The following ASIC2 variants were observed in gnomAD, a reference collection of about 807,000 sequenced individuals.
The protein encoded by ASIC2 is acid sensing ion channel subunit 2.
A neutral mutation model predicts 57.3 loss-of-function variants in ASIC2; 25 were observed. That is an observed-to-expected ratio of 0.44 (90% CI 0.32 to 0.61). The LOEUF is 0.61. ASIC2 is among the 20% of genes least tolerant of loss of function. The pLI is 0.06. For synonymous variants in ASIC2, 319 were observed against 307.5 expected, an observed-to-expected ratio of 1.04 and a Z score of -0.39; for missense variants, 641 against 738.1, an observed-to-expected ratio of 0.87 and a Z score of 1.52.
intron 1 of ASIC2, among the ~76,000 whole-genome samples, chr17:33,827,490 C>A (rs1242391887): frequency 4.7e-5 from 6 of 127,690 alleles, no homozygotes; most frequent in Non-Finnish European, 6.7e-5. Flanking sequence ...CGCCACCATG[C>A]CTGGCTATTT....
chr17:33,762,003 T>G (rs1247861243), intron 1 of ASIC2, among the ~76,000 whole-genome samples: 1 of 152,078 alleles, frequency 6.6e-6, no homozygotes, highest in Admixed American at 6.5e-5. Context: ...GATGAAGGCA[T>G]GGAAAAACTG....
chr17:33,551,716 G>A (rs1341690665), intron 1 of ASIC2, among the ~76,000 whole-genome samples: 1 of 152,170 alleles, frequency 6.6e-6, no homozygotes, highest in Non-Finnish European at 1.5e-5. Flanking sequence ...TTTTTAGACT[G>A]TTGTTCTGAG....
chr17:33,248,775 T>C (rs1355463818), intron 1 of ASIC2, among the ~76,000 whole-genome samples: 1 of 152,238 alleles, frequency 6.6e-6, no homozygotes. Flanking sequence ...CCCCCTCTGC[T>C]GCTGATAGAA....
intron 1 of ASIC2, among the ~76,000 whole-genome samples, chr17:33,375,137 A>G (rs568378984): frequency 6.6e-6 from 1 of 152,332 alleles, no homozygotes; most frequent in East Asian, 1.9e-4. Flanking sequence ...TAAGTGTTAC[A>G]TAGAAAATTA....
At chr17:33,784,122 G>C (rs1911537461) in intron 1 of ASIC2, among the ~76,000 whole-genome samples, 1 of 152,216 alleles carries the variant, frequency 6.6e-6, no homozygotes, top group Non-Finnish European at 1.5e-5. Flanking sequence ...GTGCTGTGAA[G>C]TTAGGGAGCC....
intron 1 of ASIC2, among the ~76,000 whole-genome samples, chr17:33,347,864 G>A (rs1230361417): frequency 6.6e-6 from 1 of 152,200 alleles, no homozygotes; most frequent in African/African-American, 2.4e-5. Flanking sequence ...CACTTTGGGA[G>A]GCCGAGATGG....
chr17:33,665,421 A>G (rs1275774217), intron 1 of ASIC2, among the ~76,000 whole-genome samples: 2 of 152,192 alleles, frequency 1.3e-5, no homozygotes, highest in Non-Finnish European at 2.9e-5. Context: ...AGGGTAGGGT[A>G]GGAATGGCGT....
intron 1 of ASIC2, among the ~76,000 whole-genome samples, chr17:33,440,840 G>A (rs1911797851): frequency 1.3e-5 from 2 of 152,110 alleles, no homozygotes; most frequent in Non-Finnish European, 1.5e-5. Context: ...AGTTATAAGA[G>A]TTCTTCACAT....
chr17:33,892,178 A>G (rs1914978433), intron 1 of ASIC2, among the ~76,000 whole-genome samples: 1 of 152,250 alleles, frequency 6.6e-6, no homozygotes, highest in South Asian at 2.1e-4. Context: ...TAGACAATGA[A>G]CAAGAAAGAG....
intron 1 of ASIC2, among the ~76,000 whole-genome samples, chr17:33,968,166 C>T (rs567913182): frequency 8.5e-5 from 13 of 152,146 alleles, no homozygotes; most frequent in African/African-American, 1.2e-4. Flanking sequence ...GTTGCCAGAG[C>T]GAGTGGCATT....
At chr17:33,779,358 A>T (rs1321903215) in intron 1 of ASIC2, among the ~76,000 whole-genome samples, 3 of 150,814 alleles carry the variant, frequency 2.0e-5, no homozygotes, top group Admixed American at 6.6e-5. Flanking sequence ...TCAACACAAG[A>T]AAAAAAAAAT....
At chr17:33,808,282 G>A (rs1912325109) in intron 1 of ASIC2, among the ~76,000 whole-genome samples, 1 of 152,128 alleles carries the variant, frequency 6.6e-6, no homozygotes, top group Non-Finnish European at 1.5e-5. Context: ...TTGAAAAGAT[G>A]GTCTTTTCTC....
intron 1 of ASIC2, among the ~76,000 whole-genome samples, chr17:33,674,894 G>T (rs766169292): frequency 6.6e-6 from 1 of 152,052 alleles, no homozygotes; most frequent in African/African-American, 2.4e-5. Context: ...CGTGACCTTG[G>T]GTAACTCATT....
At chr17:33,152,492 C>T (rs1179703298) in intron 1 of ASIC2, among the ~76,000 whole-genome samples, 1 of 152,144 alleles carries the variant, frequency 6.6e-6, no homozygotes, top group African/African-American at 2.4e-5. Context: ...AACAAAGCAA[C>T]AGGAAGGGAG....
At chr17:33,427,140 A>G (rs1480209973) in intron 1 of ASIC2, among the ~76,000 whole-genome samples, 2 of 152,214 alleles carry the variant, frequency 1.3e-5, no homozygotes, top group African/African-American at 4.8e-5. Context: ...ATCGATCAGA[A>G]GGATTCGGGA....
rs543649352 is a variant in ASIC2, at chr17:33,737,886, G to A, written c.555+418092C>T. 3.9e-5 allele frequency among the ~76,000 whole-genome samples: 6 copies of A among 152,224 alleles called. No individual in the cohort carries two copies. In the East Asian group the frequency reaches 9.7e-4, roughly 25 times the overall value. On this transcript the variant is annotated intron_variant, in intron 1 of 9. Coordinates refer to the ASIC2 transcript ENST00000359872. The stretch of plus-strand genomic sequence containing the variant: ...TCAGACTGCAATCCAGTTGGATATG[G>A]CAAATGACCCCAACTCTTCTACTCA...
At chr17:34,066,915 T>C (rs1382696456) in intron 1 of ASIC2, among the ~76,000 whole-genome samples, 2 of 152,166 alleles carry the variant, frequency 1.3e-5, no homozygotes, top group Non-Finnish European at 2.9e-5. Context: ...GATTCTTTAT[T>C]ATCAAGCTCC....
intron 1 of ASIC2, among the ~76,000 whole-genome samples, chr17:34,063,154 C>T (rs1209903403): frequency 3.2e-4 from 48 of 152,060 alleles, no homozygotes; most frequent in Non-Finnish European, 2.9e-5. Flanking sequence ...AACAACATAC[C>T]AAAAAGAGAA....
In ASIC2 at chr17:33,055,417, G is replaced by A. The variant is rs1030553491; in HGVS notation, c.988-27025C>T. Among the ~76,000 whole-genome samples the A allele has an allele frequency of 1.3e-4, 20 of 152,280 alleles. No individual in the cohort carries two copies. In the East Asian group the frequency reaches 3.3e-3, roughly 25 times the overall value. ...TACCAAGGGCCTCTGGGGTCAGCCA[G>A]CCTTCCGAGAACTTCCTGCTCCCCC... On this transcript the variant is annotated intron_variant, in intron 3 of 9. Coordinates refer to ENST00000225823, the MANE Select transcript of ASIC2 (RefSeq NM_183377.2).
Sources: gnomAD v4.1 joint callset for allele counts (sites outside exome capture counted in the v4.1 genomes callset) on GRCh38, gnomAD v4.1.1 for gene constraint, MANE v1.5 for transcripts, NCBI Gene and HGNC (gene_info 2026-07-23, HGNC 2026-07-21) for gene names.